Variants in ADGRG2 observed in about 807,000 individuals in gnomAD.
ADGRG2 encodes adhesion G protein-coupled receptor G2, also known as G protein-coupled receptor 64.
In ADGRG2, 26 loss-of-function variants were observed where a neutral mutation model predicts 74.1. That is an observed-to-expected ratio of 0.35 (90% CI 0.26 to 0.49). The LOEUF is 0.49. ADGRG2 is among the 20% of genes least tolerant of loss of function. The pLI, the probability that ADGRG2 is intolerant of heterozygous loss-of-function variation, is 0.99. For missense variants in ADGRG2, 619 were observed against 763.1 expected (o/e 0.81, Z 2.22); for synonymous variants, 296 against 295.2 (o/e 1.00, Z -0.03).
intron 1 of ADGRG2, among the ~76,000 whole-genome samples, chrX:19,120,633 C>A (rs1398963122): frequency 9.0e-6 from 1 of 111,508 alleles, no homozygotes; most frequent in Non-Finnish European, 1.9e-5. Flanking sequence ...GGTTCTCTTT[C>A]CACGTATGGT....
intron 26 of ADGRG2, 109 bp from the exon 27 acceptor site, chrX:18,996,261 T>A: frequency 2.3e-6 from 1 of 426,907 alleles, no homozygotes; most frequent in Non-Finnish European, 4.2e-6. Context: ...GTGGGCAACA[T>A]GAAATTTTGC....
intron 15 of ADGRG2, among the ~76,000 whole-genome samples, chrX:19,016,004 A>G: frequency 8.9e-6 from 1 of 112,462 alleles, no homozygotes; most frequent in Admixed American, 9.4e-5. Context: ...ACTGTGAGGC[A>G]CACAGGGAAG....
intron 25 of ADGRG2, 48 bp from the exon 26 acceptor site, chrX:18,999,327 T>C (rs755248930): frequency 2.1e-5 from 21 of 988,654 alleles, no homozygotes; most frequent in Non-Finnish European, 2.5e-5. Context: ...ATTATAGTAA[T>C]GAACTAGAGT....
chrX:19,084,951 T>C (rs980726675), intron 1 of ADGRG2, among the ~76,000 whole-genome samples: 1 of 112,521 alleles, frequency 8.9e-6, no homozygotes, highest in Non-Finnish European at 1.9e-5. Flanking sequence ...GCATACACCA[T>C]TGGTGGAAAC....
intron 1 of ADGRG2, among the ~76,000 whole-genome samples, chrX:19,085,697 C>T (rs1338541098): frequency 9.0e-6 from 1 of 111,390 alleles, no homozygotes; most frequent in Non-Finnish European, 1.9e-5. Context: ...CACCAGTAAC[C>T]CAGGAGTGTG....
intron 28 of ADGRG2, 76 bp from the exon 29 acceptor site, chrX:18,991,124 G>T: frequency 4.1e-6 from 2 of 492,633 alleles, no homozygotes; most frequent in East Asian, 3.8e-5. Context: ...CTTAGACATT[G>T]CTTTATTCTT....
chrX:19,030,730 GA>G (rs999031916), intron 9 of ADGRG2, among the ~76,000 whole-genome samples: 3 of 112,084 alleles, frequency 2.7e-5, no homozygotes, highest in Non-Finnish European at 5.6e-5. Context: ...AAGCTATAAT[GA>G]AAAATATTTA....
Position 19,027,228 on chromosome X carries a change from C to A in ADGRG2, c.461G>T (p.Ser154Ile). ...ACGGCAGATTACTCACTTTAATTCACTTAGAGACAGGACTCCAGTTAAGGT... is the reference window on the plus strand; with the variant it reads ...ACGGCAGATTACTCACTTTAATTCAATTAGAGACAGGACTCCAGTTAAGGT... ...NGTLTGVLSL[S>I]ELKRSELNKT... Residue 154 changes from serine to isoleucine, a missense_variant, in exon 11 of 29, where the codon AGT becomes ATT. By Grantham distance (142) the Ser-to-Ile change is moderately radical. Around this residue, in one of 3 missense-constraint regions of ADGRG2, gnomAD observed 292 missense variants for 318.0 expected, o/e 0.92. Coordinates refer to ENST00000379869, the MANE Select transcript of ADGRG2 (RefSeq NM_001079858.3). The A allele has an allele frequency of 8.7e-7, 1 of 1,147,454 alleles. No homozygotes were observed. The highest frequency in any genetic ancestry group is 1.8e-5 in the South Asian group (1 of 55,536). The allele number at this position is 1,147,454 out of a possible 1,213,427, so 94.6% of individuals were successfully genotyped here.
intron 13 of ADGRG2, among the ~76,000 whole-genome samples, chrX:19,022,758 G>A (rs1457482556): frequency 2.7e-5 from 3 of 111,722 alleles, no homozygotes; most frequent in Non-Finnish European, 5.6e-5. Context: ...GGGCAGTGGC[G>A]CAATCTCGGC....
chrX:19,110,944 G>A (rs762399300), intron 1 of ADGRG2, among the ~76,000 whole-genome samples: 3 of 111,436 alleles, frequency 2.7e-5, no homozygotes, highest in African/African-American at 6.5e-5. Context: ...GCTGCCATGT[G>A]GATATTGGAT....
intron 2 of ADGRG2, among the ~76,000 whole-genome samples, chrX:19,078,592 C>A (rs1291673630): frequency 9.1e-6 from 1 of 110,071 alleles, no homozygotes; most frequent in Non-Finnish European, 1.9e-5. Context: ...AGAAAATATT[C>A]GACTTGATCA....
chrX:19,037,895 AATAAG>A (rs1479668482), intron 4 of ADGRG2, among the ~76,000 whole-genome samples: 1 of 112,041 alleles, frequency 8.9e-6, no homozygotes, highest in Non-Finnish European at 1.9e-5. Context: ...ATATTATAGA[AATAAG>A]ATTAGGAACC....
intron 11 of ADGRG2, 103 bp from the exon 12 acceptor site, chrX:19,024,051 G>A: frequency 1.8e-6 from 1 of 552,281 alleles, no homozygotes; most frequent in South Asian, 2.7e-5. Flanking sequence ...GGTATACATT[G>A]CTTATGGTGT....
chrX:19,007,913 TAAAA>T, intron 19 of ADGRG2, 63 bp downstream of exon 19: 3 of 964,598 alleles, frequency 3.1e-6, no homozygotes, highest in Admixed American at 2.9e-5. Flanking sequence ...ATTCGAGCAC[TAAAA>T]GAAATGAAAT....
chrX:19,093,452 G>A (rs756514414), intron 1 of ADGRG2, among the ~76,000 whole-genome samples: 24 of 111,821 alleles, frequency 2.1e-4, no homozygotes, highest in South Asian at 3.7e-4. Flanking sequence ...ACTCCTATGC[G>A]TGGATGAACA....
At chrX:19,101,922 T>A (rs1462852989) in intron 1 of ADGRG2, among the ~76,000 whole-genome samples, 1 of 108,548 alleles carries the variant, frequency 9.2e-6, no homozygotes, top group Admixed American at 9.8e-5. Flanking sequence ...CATACAGGAG[T>A]CAGACCCACG....
At chrX:19,037,880 A>G (rs183671496) in intron 4 of ADGRG2, among the ~76,000 whole-genome samples, 6 of 111,985 alleles carry the variant, frequency 5.4e-5, no homozygotes, top group Non-Finnish European at 1.1e-4. Flanking sequence ...CTAACTACTT[A>G]TGGAATATTA....
chrX:19,006,360 G>T (rs1322338839), intron 20 of ADGRG2, 95 bp from the exon 21 acceptor site: 116 of 622,095 alleles, frequency 1.9e-4, no homozygotes, highest in Non-Finnish European at 2.2e-4. Context: ...AAAAACTGTG[G>T]TTTTTTTTAA....
At chrX:19,108,527 A>G (rs2062356699) in intron 1 of ADGRG2, among the ~76,000 whole-genome samples, 1 of 112,557 alleles carries the variant, frequency 8.9e-6, no homozygotes, top group Non-Finnish European at 1.9e-5. Flanking sequence ...AACCAAACAA[A>G]GGCCATCAGC....
Sources: gnomAD v4.1 joint callset for allele counts (sites outside exome capture counted in the v4.1 genomes callset) on GRCh38, gnomAD v4.1.1 for gene constraint, gnomAD v4.1.1 regional missense constraint, MANE v1.5 for transcripts, NCBI Gene and HGNC (gene_info 2026-07-23, HGNC 2026-07-21) for gene names.